HPSE2: variants seen among roughly 807,000 people sequenced by gnomAD.
HPSE2 encodes heparanase 2 (inactive), also known as inactive heparanase-2.
In HPSE2, 38 loss-of-function variants were observed where a neutral mutation model predicts 60.5. The observed-to-expected ratio is 0.63, with a 90% CI of 0.48 to 0.82. The LOEUF (loss-of-function observed/expected upper bound fraction) is 0.82. HPSE2 is among the 40% of genes least tolerant of loss of function. The pLI is 0.00. For missense variants in HPSE2, 713 were observed against 740.4 expected, an observed-to-expected ratio of 0.96 and a Z score of 0.43; for synonymous variants, 295 against 293.2, an observed-to-expected ratio of 1.01 and a Z score of -0.06.
the HPSE2 span, among the ~76,000 whole-genome samples, chr10:99,265,529 T>C: frequency 6.6e-6 from 1 of 152,164 alleles, no homozygotes; most frequent in South Asian, 2.1e-4. Flanking sequence ...CAAACCACCA[T>C]GGCACACGTT....
intron 6 of HPSE2, among the ~76,000 whole-genome samples, chr10:98,670,634 A>G (rs1375193041): frequency 2.6e-5 from 4 of 152,340 alleles, no homozygotes; most frequent in African/African-American, 9.6e-5. Flanking sequence ...CCAGGCCCAA[A>G]ACCAGGCCTG....
chr10:98,769,229 T>C (rs1245646072), intron 3 of HPSE2, among the ~76,000 whole-genome samples: 1 of 152,134 alleles, frequency 6.6e-6, no homozygotes, highest in East Asian at 1.9e-4. Context: ...ATCACATAAA[T>C]ATCCACAGTC....
intron 3 of HPSE2, among the ~76,000 whole-genome samples, chr10:98,862,498 GTGGA>G (rs2134784315): frequency 6.6e-6 from 1 of 152,256 alleles, no homozygotes; most frequent in African/African-American, 2.4e-5. Context: ...ATACTGAAAT[GTGGA>G]TGATGAACTC....
intron 11 of HPSE2, among the ~76,000 whole-genome samples, chr10:98,466,600 GACTCCGTC>G (rs1340310791): frequency 2.8e-5 from 4 of 142,854 alleles, no homozygotes; most frequent in Admixed American, 2.8e-4. Flanking sequence ...GACAGAGTGA[GACTCCGTC>G]TCAAAAAAAA....
At chr10:98,501,228 A>G (rs957720319) in intron 9 of HPSE2, among the ~76,000 whole-genome samples, 8 of 152,150 alleles carry the variant, frequency 5.3e-5, no homozygotes, top group Non-Finnish European at 7.4e-5. Flanking sequence ...AAAACCAGGA[A>G]AGAACATAAC....
At chr10:98,493,589 T>C (rs974563579) in intron 9 of HPSE2, among the ~76,000 whole-genome samples, 3 of 152,194 alleles carry the variant, frequency 2.0e-5, no homozygotes, top group African/African-American at 4.8e-5. Context: ...ATCTATTTTG[T>C]CTGATATTAA....
At chr10:99,273,646 A>G in the HPSE2 span, among the ~76,000 whole-genome samples, 1 of 152,348 alleles carries the variant, frequency 6.6e-6, no homozygotes, top group African/African-American at 2.4e-5. Flanking sequence ...GAAACAGAGG[A>G]CATAAGTCTT....
intron 3 of HPSE2, among the ~76,000 whole-genome samples, chr10:99,068,936 C>G (rs1430581931): frequency 6.6e-6 from 1 of 152,068 alleles, no homozygotes; most frequent in East Asian, 1.9e-4. Context: ...AAAAATTGAA[C>G]AGACCTATAA....
intron 6 of HPSE2, among the ~76,000 whole-genome samples, chr10:98,643,699 T>G (rs2134041333): frequency 6.6e-6 from 1 of 152,218 alleles, no homozygotes; most frequent in African/African-American, 2.4e-5. Context: ...AATTAGCACC[T>G]CTGATTTTTG....
upstream of HPSE2, among the ~76,000 whole-genome samples, chr10:99,238,408 G>A (rs1308238807): frequency 6.6e-6 from 1 of 152,132 alleles, no homozygotes; most frequent in South Asian, 2.1e-4. Context: ...GCCTAACTAA[G>A]TAGTATTTAA....
chr10:98,653,455 T>G (rs2134066321), intron 6 of HPSE2, among the ~76,000 whole-genome samples: 1 of 152,140 alleles, frequency 6.6e-6, no homozygotes, highest in African/African-American at 2.4e-5. Context: ...TCTCTGGTTT[T>G]AATTGAGCAT....
At chr10:99,103,555 T>C (rs1190467660) in intron 3 of HPSE2, among the ~76,000 whole-genome samples, 1 of 152,204 alleles carries the variant, frequency 6.6e-6, no homozygotes, top group African/African-American at 2.4e-5. Context: ...ATGGCCATAC[T>C]GCCCAAGGTC....
chr10:98,802,110 C>T (rs1258453629), intron 3 of HPSE2, among the ~76,000 whole-genome samples: 3 of 151,772 alleles, frequency 2.0e-5, no homozygotes, highest in African/African-American at 7.3e-5. Flanking sequence ...ATAAAGAATG[C>T]TAGAAAAATT....
chr10:98,826,011 T>G (rs958926762), intron 3 of HPSE2, among the ~76,000 whole-genome samples: 1 of 152,224 alleles, frequency 6.6e-6, no homozygotes, highest in African/African-American at 2.4e-5. Context: ...TTAATTAAAT[T>G]CAGCTGTTAC....
At position 98,735,020 on chromosome 10, in the gene HPSE2, G is replaced by A. The variant is rs187425439; in HGVS notation, c.784+8863C>T. On this transcript the variant is annotated intron_variant, in intron 4 of 11. Coordinates refer to ENST00000370552, the MANE Select transcript of HPSE2 (RefSeq NM_021828.5). ...ACATCATTATTAACTGAAATCCATA[G>A]TCTACATTTGGGTTTACTCTTCGTG... Among the ~76,000 whole-genome samples the A allele has an allele frequency of 9.9e-5, 15 of 152,096 alleles. No homozygotes were observed. The East Asian group carries it at 2.0e-3, about 20-fold the overall frequency.
chr10:99,154,259 A>G (rs11189997), intron 2 of HPSE2, among the ~76,000 whole-genome samples: 59,878 of 128,278 alleles, frequency 0.47, 15,094 homozygotes, highest in East Asian at 0.62. Flanking sequence ...GAACGCCACA[A>G]AGATACTCCT....
At chr10:98,772,267 G>A (rs976912511) in intron 3 of HPSE2, among the ~76,000 whole-genome samples, 7 of 152,108 alleles carry the variant, frequency 4.6e-5, no homozygotes, top group African/African-American at 1.4e-4. Flanking sequence ...TATAATAGAT[G>A]AGCAGACTAC....
At chr10:98,724,685 T>C (rs1379232442) in intron 4 of HPSE2, among the ~76,000 whole-genome samples, 1 of 152,184 alleles carries the variant, frequency 6.6e-6, no homozygotes, top group Non-Finnish European at 1.5e-5. Context: ...GATAGTTAGC[T>C]CTTCTTTTTG....
At chr10:98,544,661 C>G (rs1443205978) in intron 9 of HPSE2, among the ~76,000 whole-genome samples, 2 of 127,106 alleles carry the variant, frequency 1.6e-5, no homozygotes, top group African/African-American at 5.8e-5. Flanking sequence ...TGCAGTGAGC[C>G]GAGATCGCGC....
Sources: gnomAD v4.1 joint callset for allele counts (sites outside exome capture counted in the v4.1 genomes callset) on GRCh38, gnomAD v4.1.1 for gene constraint, MANE v1.5 for transcripts, NCBI Gene and HGNC (gene_info 2026-07-23, HGNC 2026-07-21) for gene names.